The following ZNF385D variants were observed in gnomAD, a reference collection of about 807,000 sequenced individuals.
ZNF385D encodes the protein zinc finger protein 659.
Under a neutral mutation model 35.8 loss-of-function variants are expected in ZNF385D, and 15 were observed. The observed-to-expected ratio is 0.42, with a 90% CI of 0.28 to 0.64. The LOEUF (loss-of-function observed/expected upper bound fraction) is 0.64. Ranked by LOEUF, ZNF385D falls within the 30% of genes least tolerant of loss-of-function variation. ZNF385D has a pLI of 0.23. For synonymous variants in ZNF385D, 212 were observed against 186.8 expected, an observed-to-expected ratio of 1.13 and a Z score of -1.10; for missense variants, 474 against 494.6, an observed-to-expected ratio of 0.96 and a Z score of 0.39.
intron 3 of ZNF385D, among the ~76,000 whole-genome samples, chr3:21,794,762 A>T (rs2072076715): frequency 6.6e-6 from 1 of 152,162 alleles, no homozygotes; most frequent in Non-Finnish European, 1.5e-5. Context: ...CCAGGAGTGT[A>T]ATGGGAAAAG....
At chr3:21,430,018 G>A (rs891123982) in intron 5 of ZNF385D, among the ~76,000 whole-genome samples, 3 of 151,806 alleles carry the variant, frequency 2.0e-5, no homozygotes, top group Non-Finnish European at 4.4e-5. Flanking sequence ...TCAAATCTAC[G>A]TACCTGGAAT....
At chr3:21,534,756 A>C (rs1350176307) in intron 3 of ZNF385D, among the ~76,000 whole-genome samples, 1 of 152,108 alleles carries the variant, frequency 6.6e-6, no homozygotes, top group Non-Finnish European at 1.5e-5. Flanking sequence ...CCAGTGATGG[A>C]TGGGTTTTGA....
At chr3:22,018,452 G>T (rs766115222) in intron 3 of ZNF385D, among the ~76,000 whole-genome samples, 8 of 151,426 alleles carry the variant, frequency 5.3e-5, no homozygotes, top group Non-Finnish European at 1.2e-4. Context: ...TATTAATATT[G>T]TCTTCAAAGC....
rs528888359 is a variant in ZNF385D at position 22,153,576 on chromosome 3, G to A, written c.325+15241C>T. On this transcript the variant is annotated intron_variant, in intron 3 of 5. Transcript: ENST00000494108. The stretch of plus-strand genomic sequence containing the variant: ...CCTCCTGGGTCCAAGCAATTCTTGT[G>A]TCTCAGCCTCCTGAGTAGCTGGGAT... 8.7e-5 allele frequency among the ~76,000 whole-genome samples: 13 copies of A among 149,436 alleles called. 1 individual carries two copies. In the South Asian group the frequency reaches 2.7e-3, roughly 32 times the overall value.
At chr3:21,578,349 A>G (rs187679560) in intron 2 of ZNF385D, among the ~76,000 whole-genome samples, 287 of 151,958 alleles carry the variant, frequency 1.9e-3, no homozygotes, top group African/African-American at 6.6e-3. Flanking sequence ...CCATTTCTTT[A>G]TTTTTGCCTT....
At chr3:22,207,400 A>G (rs527509605) in intron 2 of ZNF385D, among the ~76,000 whole-genome samples, 1 of 152,118 alleles carries the variant, frequency 6.6e-6, no homozygotes, top group South Asian at 2.1e-4. Flanking sequence ...ATGCAGAAGA[A>G]AACAAAGCCC....
In ZNF385D at chr3:21,646,211, A is replaced by T. The variant is rs1240853051; in HGVS notation, c.165+18675T>A. ...TTTAGGGTGTCAAAACCGGCCATGT[A>T]AGTATATGCAATCATGGTTTTGATT... On this transcript the variant is annotated intron_variant, in intron 2 of 7. Transcript: ENST00000281523. The surrounding 1 kb of genome is among the most constrained non-coding windows in gnomAD (Gnocchi z 4.3). Among the ~76,000 whole-genome samples the T allele has an allele frequency of 6.6e-6, 1 of 152,184 alleles. No homozygotes were observed. Among genetic ancestry groups the T allele is most frequent in the Non-Finnish European group, 1.5e-5 (1 of 68,030 alleles).
At chr3:21,766,142 A>G (rs553038355) in intron 3 of ZNF385D, among the ~76,000 whole-genome samples, 53 of 152,282 alleles carry the variant, frequency 3.5e-4, no homozygotes, top group Admixed American at 9.8e-4. Context: ...TATGGGATTG[A>G]TAACAATGGT....
chr3:22,083,941 G>C (rs549751553), intron 3 of ZNF385D, among the ~76,000 whole-genome samples: 1 of 152,270 alleles, frequency 6.6e-6, no homozygotes, highest in South Asian at 2.1e-4. Context: ...CATTCTTAAA[G>C]AAAAGAATTT....
At chr3:21,869,946 G>A (rs1346642643) in intron 3 of ZNF385D, among the ~76,000 whole-genome samples, 1 of 151,998 alleles carries the variant, frequency 6.6e-6, no homozygotes, top group Non-Finnish European at 1.5e-5. Context: ...ATTGATTAAA[G>A]AAGGTTTTTT....
intron 2 of ZNF385D, among the ~76,000 whole-genome samples, chr3:22,208,190 G>C (rs548156858): frequency 6.6e-6 from 1 of 151,870 alleles, no homozygotes; most frequent in South Asian, 2.1e-4. Context: ...AACAATCTAA[G>C]TGTCCATCAA....
intron 3 of ZNF385D, chr3:22,134,240 G>A (rs1367829107): frequency 1.3e-5 from 2 of 151,950 alleles, no homozygotes. Flanking sequence ...ATAAACACTA[G>A]TCAAAGAATA....
intron 2 of ZNF385D, among the ~76,000 whole-genome samples, chr3:22,327,776 G>A (rs969238539): frequency 1.3e-5 from 2 of 152,288 alleles, no homozygotes; most frequent in African/African-American, 2.4e-5. Context: ...CAGTGATGCT[G>A]CATAGATGTG....
rs116010253 is a variant in ZNF385D at position 21,468,132 on chromosome 3, T to A, written c.440-30929A>T. Among the ~76,000 whole-genome samples, 1,464 of 152,012 alleles carry A rather than the reference T, an allele frequency of 9.6e-3. 18 individuals are homozygous for A. Among genetic ancestry groups the A allele is most frequent in the African/African-American group, 0.033 (1,374 of 41,492 alleles). On this transcript the variant is annotated intron_variant, in intron 4 of 7. Coordinates refer to ENST00000281523, the MANE Select transcript of ZNF385D (RefSeq NM_024697.3). ...TAAAAGTAGTATATGGAGCCAGGTG[T>A]GGTGGCTCATGCCTGTAATCCCAAC...
intron 3 of ZNF385D, among the ~76,000 whole-genome samples, chr3:22,167,706 A>G (rs960439340): frequency 6.6e-6 from 1 of 152,204 alleles, no homozygotes; most frequent in Non-Finnish European, 1.5e-5. Context: ...GGCTGGCAAA[A>G]GTGATCAAGA....
intron 1 of ZNF385D, among the ~76,000 whole-genome samples, chr3:21,730,385 C>A (rs1308000795): frequency 6.6e-6 from 1 of 152,160 alleles, no homozygotes; most frequent in Non-Finnish European, 1.5e-5. Context: ...GAAGCTTTTG[C>A]ACATTTTTAA....
chr3:21,704,698 C>T (rs2067833522), intron 1 of ZNF385D, among the ~76,000 whole-genome samples: 1 of 151,924 alleles, frequency 6.6e-6, no homozygotes, highest in South Asian at 2.1e-4. Context: ...TGATTCATTA[C>T]CTTTTTCTCA....
chr3:21,675,494 G>T (rs752253454), intron 1 of ZNF385D, among the ~76,000 whole-genome samples: 1 of 152,014 alleles, frequency 6.6e-6, no homozygotes, highest in Admixed American at 6.6e-5. Flanking sequence ...GTTAGTAAGT[G>T]GTAGAGCCAG....
At chr3:22,038,289 A>G (rs1698460311) in intron 3 of ZNF385D, among the ~76,000 whole-genome samples, 1 of 152,148 alleles carries the variant, frequency 6.6e-6, no homozygotes, top group Admixed American at 6.5e-5. Flanking sequence ...TAACTGAGGA[A>G]ACTATAAATT....
Sources: gnomAD v4.1 joint callset for allele counts (sites outside exome capture counted in the v4.1 genomes callset) on GRCh38, gnomAD v4.1.1 for gene constraint, Gnocchi (gnomAD v3.1) non-coding constraint, MANE v1.5 for transcripts, NCBI Gene and HGNC (gene_info 2026-07-23, HGNC 2026-07-21) for gene names.